The following ANK3 variants were observed in gnomAD, a reference collection of about 807,000 sequenced individuals.
ANK3 encodes the protein ankyrin 3.
ANK3 carries 57 observed loss-of-function variants against 370.9 expected under a neutral mutation model. The observed-to-expected ratio is 0.15, with a 90% CI of 0.12 to 0.19. ANK3 has a LOEUF of 0.19. Ranked by LOEUF, ANK3 falls within the 10% of genes least tolerant of loss-of-function variation. The probability of loss-of-function intolerance (pLI) is 1.00; values close to 1 mark genes in which losing one functional copy is unlikely to be tolerated. For missense variants in ANK3, 4,439 were observed against 5,302.1 expected, an observed-to-expected ratio of 0.84 and a Z score of 5.06; for synonymous variants, 1,929 against 1,946.3, an observed-to-expected ratio of 0.99 and a Z score of 0.23.
At chr10:60,527,953 C>CTG (rs2076512978) in intron 2 of ANK3, among the ~76,000 whole-genome samples, 1 of 152,042 alleles carries the variant, frequency 6.6e-6, no homozygotes, top group Non-Finnish European at 1.5e-5. Flanking sequence ...TAGGAGAGTG[C>CTG]TGTAGCCTAG....
At chr10:60,383,966 T>C (rs1227919963) in intron 1 of ANK3, among the ~76,000 whole-genome samples, 1 of 152,192 alleles carries the variant, frequency 6.6e-6, no homozygotes, top group East Asian at 1.9e-4. Context: ...TAAAAGAGAC[T>C]GCTAGCATCT....
intron 2 of ANK3, among the ~76,000 whole-genome samples, chr10:60,482,481 T>G (rs559287843): frequency 6.8e-6 from 1 of 147,874 alleles, no homozygotes; most frequent in South Asian, 2.2e-4. Context: ...TAATCAAAAC[T>G]ACTCTCTAAC....
In ANK3 at chr10:60,071,629, C is replaced by A. The variant is rs759850374; in HGVS notation, c.9252G>T (p.Glu3084Asp). 3.7e-6 allele frequency: 6 copies of A among 1,613,022 alleles called. No individual in the cohort carries two copies. The African/African-American group carries it at 5.3e-5, about 14-fold the overall frequency. The change falls in exon 37 of 44, where the codon GAG becomes GAT. Residue 3084 changes from glutamate (E) to aspartate (D), a missense_variant. This residue lies in a region of ANK3 where 1,601 missense variants were observed against 1,731.7 expected (regional missense o/e 0.92). Transcript: ENST00000280772. ...LEKLAPLAQTEGGKEIKTLPV... is the reference protein window; with the variant it reads ...LEKLAPLAQTDGGKEIKTLPV... ...GTAAAGTTTTTATCTCTTTCCCTCC[C>A]TCTGTCTGGGCTAGTGGTGCGAGTT...
chr10:60,492,575 C>T (rs912243146), intron 2 of ANK3, among the ~76,000 whole-genome samples: 16 of 151,214 alleles, frequency 1.1e-4, no homozygotes, highest in African/African-American at 2.7e-4. Flanking sequence ...GGCATGGTGG[C>T]GGGCACCTGT....
At chr10:60,398,661 A>G (rs2063292951) in intron 2 of ANK3, among the ~76,000 whole-genome samples, 1 of 152,210 alleles carries the variant, frequency 6.6e-6, no homozygotes, top group African/African-American at 2.4e-5. Context: ...TCATTTAACA[A>G]ATATTTATTG....
chr10:60,659,305 T>C lies in ANK3; in HGVS notation c.58-44081A>G, dbSNP rs367902195. On this transcript the variant is annotated intron_variant, in intron 1 of 43. Transcript: ENST00000373827. ...GGGAAAATATACTATTGGGCCAGAA[T>C]GACACAACTCATCATGTTGACCCCC... Among the ~76,000 whole-genome samples the C allele has an allele frequency of 4.3e-4, 65 of 152,286 alleles. 1 individual carries two copies. In the South Asian group the frequency reaches 0.013, roughly 31 times the overall value.
chr10:60,546,406 AT>A (rs1455595353), intron 2 of ANK3, among the ~76,000 whole-genome samples: 1 of 152,200 alleles, frequency 6.6e-6, no homozygotes, highest in Admixed American at 6.5e-5. Flanking sequence ...TATTATTGCA[AT>A]TCTTTATTCC....
intron 2 of ANK3, among the ~76,000 whole-genome samples, chr10:60,477,838 A>T (rs1001571296): frequency 1.3e-5 from 2 of 152,138 alleles, no homozygotes; most frequent in African/African-American, 4.8e-5. Context: ...TTCTTTCCAC[A>T]GTAAAGAAAC....
chr10:60,463,806 A>G (rs1391004290), intron 2 of ANK3, among the ~76,000 whole-genome samples: 1 of 150,820 alleles, frequency 6.6e-6, no homozygotes, highest in Admixed American at 6.6e-5. Context: ...AATATAATAA[A>G]ATCAGCTCAA....
At chr10:60,624,614 A>G (rs2028564) in intron 1 of ANK3, among the ~76,000 whole-genome samples, 18,749 of 152,106 alleles carry the variant, frequency 0.12, 1,598 homozygotes, top group East Asian at 0.27. Context: ...TAGGAACTCA[A>G]AAACTTACAG....
intron 10 of ANK3, among the ~76,000 whole-genome samples, chr10:60,207,010 G>T (rs1050905632): frequency 6.6e-5 from 10 of 152,126 alleles, no homozygotes; most frequent in African/African-American, 1.9e-4. Context: ...CCTGTTTTAG[G>T]ACTTATTTTT....
intron 2 of ANK3, among the ~76,000 whole-genome samples, chr10:60,510,020 A>G (rs1283893827): frequency 6.6e-6 from 1 of 152,072 alleles, no homozygotes; most frequent in Non-Finnish European, 1.5e-5. Flanking sequence ...TTCAGACATT[A>G]TATGAATCCC....
intron 1 of ANK3, chr10:60,300,528 GCAGACAAGAGTA>G: frequency 8.2e-7 from 1 of 1,219,952 alleles, no homozygotes; most frequent in Non-Finnish European, 1.0e-6. Flanking sequence ...GGTGGGCGGG[GCAGACAAGAGTA>G]CAGAATCCGC....
intron 8 of ANK3, among the ~76,000 whole-genome samples, chr10:60,221,716 T>TTGTAGAAAGAGGCTTGGACTCTTGTAG (rs1469859739): frequency 1.3e-5 from 2 of 152,200 alleles, no homozygotes; most frequent in African/African-American, 2.4e-5. Flanking sequence ...AGGCTTGGAC[T>TTGTAGAAAGAGGCTTGGACTCTTGTAG]ATGAGTGCTG....
intron 2 of ANK3, among the ~76,000 whole-genome samples, chr10:60,446,305 A>G (rs1457146868): frequency 6.6e-6 from 1 of 152,124 alleles, no homozygotes; most frequent in African/African-American, 2.4e-5. Context: ...GTTTAAGAAA[A>G]TTGCATCTCA....
Position 60,082,192 on chromosome 10 carries a change from T to G in ANK3, c.4324-16A>C. 6.2e-7 allele frequency: 1 copy of G among 1,606,042 alleles called. No individual in the cohort carries two copies. The highest frequency in any genetic ancestry group is 1.3e-5 in the African/African-American group (1 of 74,824). ...ACTCTGTCTCCTTTTGGTTCCAAGA[T>G]GCATTGCAGAGACAAGGAATATTAT... On this transcript the variant is annotated splice_polypyrimidine_tract_variant and intron_variant, in intron 34 of 43. Transcript: ENST00000280772.
intron 18 of ANK3, among the ~76,000 whole-genome samples, chr10:60,175,759 G>A (rs2095916786): frequency 6.6e-6 from 1 of 152,228 alleles, no homozygotes; most frequent in Non-Finnish European, 1.5e-5. Context: ...CCGGGCCTCA[G>A]AGGCAGACTG....
intron 1 of ANK3, among the ~76,000 whole-genome samples, chr10:60,292,713 C>CT (rs55791354): frequency 0.62 from 85,640 of 138,920 alleles, 26,478 homozygotes; most frequent in South Asian, 0.78. Context: ...GACTTTCTTT[C>CT]TTTTTTTTTT....
intron 8 of ANK3, among the ~76,000 whole-genome samples, chr10:60,223,585 GTGAA>G (rs2097095642): frequency 6.6e-6 from 1 of 152,162 alleles, no homozygotes; most frequent in South Asian, 2.1e-4. Context: ...AATGGAGTGA[GTGAA>G]TGAATGTGTT....
Sources: allele counts gnomAD v4.1 joint callset (sites outside exome capture counted in the v4.1 genomes callset), GRCh38; gene constraint gnomAD v4.1.1; regional missense constraint gnomAD v4.1.1; transcripts MANE v1.5; gene names NCBI Gene and HGNC (gene_info 2026-07-23, HGNC 2026-07-21).